ATM: variants seen among roughly 807,000 people sequenced by gnomAD.
ATM encodes the protein serine-protein kinase ATM.
ATM carries 308 observed loss-of-function variants against 387.0 expected under a neutral mutation model. The ratio of observed to expected loss-of-function variants is 0.80; its 90% CI spans 0.73 to 0.87. The LOEUF (loss-of-function observed/expected upper bound fraction) is 0.87, where lower values mean the gene tolerates loss of function less well. ATM is among the 40% of genes least tolerant of loss of function. The pLI, the probability that ATM is intolerant of heterozygous loss-of-function variation, is 0.00. For missense variants in ATM, 3,312 were observed against 3,560.9 expected (o/e 0.93, Z 1.78); for synonymous variants, 1,156 against 1,187.3 (o/e 0.97, Z 0.54).
At chr11:108,340,761 G>C (rs1159872809) in intron 56 of ATM, among the ~76,000 whole-genome samples, 1 of 152,084 alleles carries the variant, frequency 6.6e-6, no homozygotes, top group African/African-American at 2.4e-5. Context: ...CTAAAATCAA[G>C]TCCCTTATAT....
chr11:108,236,188 A>T (rs1461984117), intron 5 of ATM: 1 of 290,866 alleles, frequency 3.4e-6, no homozygotes, highest in African/African-American at 2.2e-5. Context: ...CAAAACAATG[A>T]CACCTAAACT....
intron 58 of ATM, 104 bp from the exon 59 acceptor site, chr11:108,347,175 A>G: frequency 1.1e-6 from 1 of 909,214 alleles, no homozygotes; most frequent in Non-Finnish European, 1.8e-6. Context: ...ATCCTAAACT[A>G]CTTAAAGATT....
chr11:108,333,847 C>T (rs1382965508), intron 53 of ATM, 39 bp from the exon 54 acceptor site: 1 of 1,487,894 alleles, frequency 6.7e-7, no homozygotes, highest in East Asian at 2.3e-5. Flanking sequence ...AATGCTGTTC[C>T]TCAGTTTGTC....
At chr11:108,343,425 A>T in intron 57 of ATM, 54 bp downstream of exon 57, 1 of 1,597,086 alleles carries the variant, frequency 6.3e-7, no homozygotes, top group African/African-American at 1.3e-5. Context: ...TGGCTTATTA[A>T]AGCTGACAGC....
In ATM at chr11:108,293,492, A is replaced by C. The variant is rs759607134; in HGVS notation, c.4776+15A>C. On this transcript the variant is annotated intron_variant, in intron 31 of 62. Coordinates refer to ENST00000675843, the MANE Select transcript of ATM (RefSeq NM_000051.4). ...CACTCTTGGAGGTAATAAAAATTTC[A>C]TCATCTACTATTTTTTATTAGAGAA... 1.9e-6 allele frequency: 3 copies of C among 1,590,008 alleles called. No homozygotes were observed. In the East Asian group the frequency reaches 6.7e-5, roughly 36 times the overall value.
intron 35 of ATM, among the ~76,000 whole-genome samples, chr11:108,302,024 G>A (rs1364816654): frequency 2.0e-5 from 3 of 152,130 alleles, no homozygotes; most frequent in Non-Finnish European, 4.4e-5. Flanking sequence ...ATTTTTGGGG[G>A]AGGGGAAATT....
intron 33 of ATM, among the ~76,000 whole-genome samples, chr11:108,297,978 A>G (rs1427064811): frequency 6.6e-6 from 1 of 152,242 alleles, no homozygotes; most frequent in Non-Finnish European, 1.5e-5. Context: ...GATATATTTT[A>G]TAAATACATT....
At position 108,289,638 on chromosome 11, in the gene ATM, C is replaced by T. The variant is rs2135760052; in HGVS notation, c.4273C>T (p.Gln1425Ter). The T allele has an allele frequency of 6.2e-7, 1 of 1,610,312 alleles. No homozygotes were observed. Among genetic ancestry groups the T allele is most frequent in the Non-Finnish European group, 8.5e-7 (1 of 1,178,602 alleles). ...YQKILLAICE[Q>*]AAETNNVYKK... The stretch of plus-strand genomic sequence containing the variant: ...GAAAATTCTTCTTGCCATATGTGAG[C>T]AAGCAGCTGAAACAAATAATGTTTA... Residue 1425 changes from glutamine (Q) to a stop codon, truncating the protein, a stop_gained, in exon 29 of 63, where the codon CAA (glutamine) becomes TAA (stop). Coordinates refer to ENST00000675843, the MANE Select transcript of ATM (RefSeq NM_000051.4). LOFTEE classifies it high-confidence loss of function.
rs1014728155 is a variant in ATM at position 108,288,882 on chromosome 11, G to T, written c.4110-95G>T. ...AGAAAAATGGTTTTTGAATTTGGGG[G>T]TTATTAAAATCTAAATTTTCATTTT... On this transcript the variant is annotated intron_variant, in intron 27 of 62. Transcript: ENST00000675843. The T allele has an allele frequency of 4.1e-6, 6 of 1,453,190 alleles. No homozygotes were observed. The Admixed American group carries it at 5.6e-5, about 13-fold the overall frequency. The allele number at this position is 1,453,190 out of a possible 1,614,324, so 90.0% of individuals were successfully genotyped here. A position where few individuals can be genotyped will look rare whatever the true frequency, so the allele number is the denominator to read the frequency against.
At chr11:108,249,177 A>C in intron 9 of ATM, 75 bp downstream of exon 9, 1 of 1,533,354 alleles carries the variant, frequency 6.5e-7, no homozygotes. Context: ...CTTTCAGTGG[A>C]ATCCTTTCAT....
Position 108,327,650 on chromosome 11 carries a change from T to C in ATM, c.6981T>C (p.Asn2327=). The C allele has an allele frequency of 6.2e-7, 1 of 1,613,526 alleles. No homozygotes were observed. Residue 2327 remains asparagine, a synonymous_variant, in exon 48 of 63, where the codon AAT becomes AAC. Transcript: ENST00000675843. Reference sequence around the variant, plus strand: ...ATTTTGCCTTTCTTATACAGAACAATCCCAGCCTAAAACTTACATACACAG... The same window carrying C: ...ATTTTGCCTTTCTTATACAGAACAACCCCAGCCTAAAACTTACATACACAG... ...KKLDASCAAN[N]PSLKLTYTEC...
chr11:108,312,998 ATCT>A (rs2084307495), intron 40 of ATM, among the ~76,000 whole-genome samples: 1 of 152,088 alleles, frequency 6.6e-6, no homozygotes, highest in African/African-American at 2.4e-5. Context: ...TAAACCTCTC[ATCT>A]TCTCTTCTAT....
At chr11:108,336,187 C>T (rs1404255971) in intron 56 of ATM, 9 of 443,456 alleles carry the variant, frequency 2.0e-5, no homozygotes, top group Non-Finnish European at 3.7e-5. Flanking sequence ...CTTGTAGTCC[C>T]TTAGCTACAT....
intron 4 of ATM, among the ~76,000 whole-genome samples, chr11:108,233,375 G>A (rs1163461536): frequency 6.6e-6 from 1 of 152,038 alleles, no homozygotes; most frequent in African/African-American, 2.4e-5. Flanking sequence ...TTTGAGACCA[G>A]CCTGGGTAAC....
In ATM at chr11:108,289,759, T is replaced by C. The variant is rs730881391; in HGVS notation, c.4394T>C (p.Leu1465Pro). Residue 1465 changes from leucine (L) to proline (P), a missense_variant, in exon 29 of 63, where the codon CTT becomes CCT. Leu to Pro is a moderately conservative substitution (Grantham distance 98, BLOSUM62 -3). Transcript: ENST00000675843. ...TTAGGAGGAGCTTGGGCCTTTGTTC[T>C]TCGAGACGTTATTTATACTTTGATT... ...SGLGGAWAFVLRDVIYTLIHY... is the reference protein window; with the variant it reads ...SGLGGAWAFVPRDVIYTLIHY... 2 of 1,613,560 alleles carry C rather than the reference T, an allele frequency of 1.2e-6. No homozygotes were observed. The highest frequency in any genetic ancestry group is 1.7e-6 in the Non-Finnish European group (2 of 1,179,954).
rs369285504 is a variant in ATM, at chr11:108,348,207, A to C, written c.8671+842A>C. Among the ~76,000 whole-genome samples the C allele has an allele frequency of 9.9e-5, 15 of 152,034 alleles. No individual in the cohort carries two copies. In the East Asian group the frequency reaches 2.5e-3, roughly 25 times the overall value. On this transcript the variant is annotated intron_variant, in intron 59 of 62. Coordinates refer to ENST00000675843, the MANE Select transcript of ATM (RefSeq NM_000051.4). ...CAGTTTAATATATAAGAAAGAAAGA[A>C]TATATAGCTTCTATGTATATATATA... is the stretch of plus-strand genomic sequence containing the variant.
intron 13 of ATM, 91 bp downstream of exon 13, chr11:108,254,130 A>AATC (rs1298920768): frequency 4.8e-6 from 6 of 1,262,168 alleles, no homozygotes; most frequent in Non-Finnish European, 6.7e-6. Context: ...AAAAACAGCA[A>AATC]GGATGGTGGG....
At chr11:108,342,279 A>G (rs2087679406) in intron 56 of ATM, among the ~76,000 whole-genome samples, 1 of 152,172 alleles carries the variant, frequency 6.6e-6, no homozygotes, top group African/African-American at 2.4e-5. Context: ...TGTGGAAACA[A>G]TGTAAATGTT....
rs876659558 is a variant in ATM at position 108,316,031 on chromosome 11, A to T, written c.6116A>T (p.Glu2039Val). 6.2e-7 allele frequency: 1 copy of T among 1,614,196 alleles called. No individual in the cohort carries two copies. The highest frequency in any genetic ancestry group is 8.5e-7 in the Non-Finnish European group (1 of 1,180,016). Residue 2039 changes from glutamate to valine, a missense_variant, in exon 42 of 63, where the codon GAA becomes GTA. By Grantham distance (121) the Glu-to-Val change is moderately radical. Around this residue, in one of 4 missense-constraint regions of ATM, gnomAD observed 1,405 missense variants for 1,604.4 expected, o/e 0.88. Transcript: ENST00000675843. ...TATAGACTACGAACATATGAACACG[A>T]AGCAATGTGGGGCAAAGCCCTAGTA... ...PITRLRTYEH[E>V]AMWGKALVTY...
Sources: gnomAD v4.1 joint callset for allele counts (sites outside exome capture counted in the v4.1 genomes callset) on GRCh38, gnomAD v4.1.1 for gene constraint, gnomAD v4.1.1 regional missense constraint, MANE v1.5 for transcripts, NCBI Gene and HGNC (gene_info 2026-07-23, HGNC 2026-07-21) for gene names.